The following ESR1 variants were observed in gnomAD, a reference collection of about 807,000 sequenced individuals.
ESR1 encodes the protein estrogen receptor.
ESR1 carries 12 observed loss-of-function variants against 52.7 expected under a neutral mutation model. The observed-to-expected ratio is 0.23, with a 90% CI of 0.15 to 0.37. ESR1 has a LOEUF of 0.37. ESR1 is among the 10% of genes least tolerant of loss of function. The probability of loss-of-function intolerance (pLI) is 1.00; values close to 1 mark genes in which losing one functional copy is unlikely to be tolerated. For missense variants in ESR1, 584 were observed against 779.7 expected, an observed-to-expected ratio of 0.75 and a Z score of 2.99; for synonymous variants, 305 against 316.8, an observed-to-expected ratio of 0.96 and a Z score of 0.39.
In ESR1 at chr6:151,730,430, C is replaced by T. The variant is rs191644973; in HGVS notation, c.-71+28425C>T. Among the ~76,000 whole-genome samples, 69 of 152,258 alleles carry T rather than the reference C, an allele frequency of 4.5e-4. 1 individual carries two copies. The highest frequency in any genetic ancestry group is 4.6e-4 in the Admixed American group (7 of 15,300). On this transcript the variant is annotated intron_variant, in intron 2 of 2. Coordinates refer to the ESR1 transcript ENST00000404742. ...TGGTCTGGCCTCCCATTTTCCAGAG[C>T]TCATCTGTCTCCATGTGTGTCCTGC...
chr6:152,074,439 T>C (rs7765861), intron 6 of ESR1, among the ~76,000 whole-genome samples: 34,751 of 152,118 alleles, frequency 0.23, 5,870 homozygotes, highest in African/African-American at 0.47. Flanking sequence ...CTTTTTATCA[T>C]TGAATACTAC....
At chr6:151,937,234 A>C (rs1341254624) in intron 3 of ESR1, among the ~76,000 whole-genome samples, 2 of 152,190 alleles carry the variant, frequency 1.3e-5, no homozygotes, top group Non-Finnish European at 2.9e-5. Flanking sequence ...CCCTAATCCC[A>C]ATATAAAAAA....
At chr6:151,657,751 T>G (rs1006934115) in intron 1 of ESR1, among the ~76,000 whole-genome samples, 10 of 152,328 alleles carry the variant, frequency 6.6e-5, no homozygotes, top group Middle Eastern at 3.4e-3. Flanking sequence ...TATTTCAATA[T>G]GTATCCAGCT....
chr6:151,995,367 A>G (rs2041389612), intron 4 of ESR1, among the ~76,000 whole-genome samples: 1 of 152,022 alleles, frequency 6.6e-6, no homozygotes, highest in African/African-American at 2.4e-5. Context: ...TCGTCTATTC[A>G]TCCATCCGTC....
rs1583150588 is a variant in ESR1, at chr6:151,757,227, A to C, written c.-70-50616A>C. 3.1e-5 allele frequency among the ~76,000 whole-genome samples: 3 copies of C among 98,300 alleles called. No individual in the cohort carries two copies. The Admixed American group carries it at 3.2e-4, about 11-fold the overall frequency. The allele number at this position is 98,300 out of a possible 152,430, so 64.5% of individuals were successfully genotyped here. A position where few individuals can be genotyped will look rare whatever the true frequency, so the allele number is the denominator to read the frequency against. On this transcript the variant is annotated intron_variant, in intron 2 of 2. Coordinates refer to the ESR1 transcript ENST00000404742. ...CTTTTACTGGTACTGAGGCTATTTTAACGTTCCATTAAAAAAAAAAAGAAA... is the reference window on the plus strand; with the variant it reads ...CTTTTACTGGTACTGAGGCTATTTTCACGTTCCATTAAAAAAAAAAAGAAA...
intron 2 of ESR1, among the ~76,000 whole-genome samples, chr6:151,758,634 G>T (rs1187672499): frequency 4.6e-5 from 7 of 152,002 alleles, no homozygotes; most frequent in Non-Finnish European, 8.8e-5. Flanking sequence ...GGTGGTGGGT[G>T]CCTGTAATCC....
At chr6:151,863,579 T>C (rs2128292227) in intron 2 of ESR1, among the ~76,000 whole-genome samples, 1 of 152,308 alleles carries the variant, frequency 6.6e-6, no homozygotes, top group Middle Eastern at 3.4e-3. Context: ...TACAATCATG[T>C]CATCTGCAAA....
chr6:152,110,794 CT>C (rs986017640), intron 6 of ESR1, among the ~76,000 whole-genome samples: 1 of 152,142 alleles, frequency 6.6e-6, no homozygotes, highest in African/African-American at 2.4e-5. Flanking sequence ...AATATGACAC[CT>C]TGGACAGGAT....
Position 152,079,818 on chromosome 6 carries a change from C to A in ESR1, c.1370-14567C>A, listed in dbSNP as rs186192746. On this transcript the variant is annotated intron_variant, in intron 6 of 7. Coordinates refer to ENST00000206249, the MANE Select transcript of ESR1 (RefSeq NM_000125.4). The stretch of plus-strand genomic sequence containing the variant: ...TTAAATGACCTGATGGAGCTGAAAA[C>A]CACAGCATGAGAACTTCGTGATGTA... 1.7e-3 allele frequency among the ~76,000 whole-genome samples: 260 copies of A among 152,246 alleles called. 3 individuals are homozygous for A. The highest frequency in any genetic ancestry group is 0.013 in the East Asian group (65 of 5,172).
At chr6:151,680,714 G>GCCT (rs1430258468) in intron 1 of ESR1, among the ~76,000 whole-genome samples, 3 of 152,076 alleles carry the variant, frequency 2.0e-5, no homozygotes, top group Non-Finnish European at 4.4e-5. Context: ...GTAATAGTTG[G>GCCT]CCTCCTCCCT....
Position 152,125,634 on chromosome 6 carries a change from TATAAC to T in ESR1, c.*288_*292del, listed in dbSNP as rs545120431. ...ACTCAACACCTGTAGCTAGATGAGT[TATAAC>T]AGAGTGACTGAAGAGAGCTCCCACA... On this transcript the variant is annotated 3_prime_UTR_variant, in exon 7 of 7. Coordinates refer to the ESR1 transcript ENST00000427531. 565 of 302,848 alleles carry T rather than the reference TATAAC, an allele frequency of 1.9e-3. 1 individual carries two copies. Among genetic ancestry groups the T allele is most frequent in the African/African-American group, 0.011 (534 of 47,536 alleles). The allele number at this position is 302,848 out of a possible 1,614,324, so 18.8% of individuals were successfully genotyped here. A position where few individuals can be genotyped will look rare whatever the true frequency, so the allele number is the denominator to read the frequency against.
At chr6:151,978,591 A>G (rs1176516257) in intron 4 of ESR1, among the ~76,000 whole-genome samples, 1 of 152,146 alleles carries the variant, frequency 6.6e-6, no homozygotes, top group African/African-American at 2.4e-5. Context: ...AGAGCATAAG[A>G]GATGAAGAGC....
intron 3 of ESR1, among the ~76,000 whole-genome samples, chr6:151,942,191 A>G (rs777243825): frequency 9.9e-5 from 15 of 152,220 alleles, no homozygotes; most frequent in Non-Finnish European, 1.6e-4. Context: ...GTCAGGTGCC[A>G]TTGTTCTCAT....
chr6:152,126,153 T>C (rs1377518595), exon 7 of ESR1: 1 of 152,186 alleles, frequency 6.6e-6, no homozygotes, highest in East Asian at 1.9e-4. Flanking sequence ...TGGGCTGAGA[T>C]GGGGACAGAG....
intron 1 of ESR1, among the ~76,000 whole-genome samples, chr6:151,693,863 T>C (rs1398874703): frequency 6.6e-6 from 1 of 152,136 alleles, no homozygotes; most frequent in Non-Finnish European, 1.5e-5. Context: ...AGTGATCCAC[T>C]CGCCTTGGCC....
intron 4 of ESR1, among the ~76,000 whole-genome samples, chr6:151,998,995 C>G (rs796978463): frequency 2.5e-4 from 38 of 152,128 alleles, no homozygotes; most frequent in African/African-American, 8.7e-4. Context: ...TCATCTGTTC[C>G]AAACACCCTT....
At chr6:152,074,833 A>G (rs1056071632) in intron 6 of ESR1, among the ~76,000 whole-genome samples, 1 of 152,094 alleles carries the variant, frequency 6.6e-6, no homozygotes, top group Non-Finnish European at 1.5e-5. Context: ...CATTTTTTGG[A>G]TAATATCACA....
chr6:151,944,994 T>C (rs1016755465), intron 4 of ESR1, among the ~76,000 whole-genome samples: 3 of 152,142 alleles, frequency 2.0e-5, no homozygotes, highest in Non-Finnish European at 4.4e-5. Context: ...GGTGGGAGGA[T>C]TGCTTGAGCC....
chr6:152,038,817 G>C (rs958410732), intron 5 of ESR1, among the ~76,000 whole-genome samples: 1 of 152,020 alleles, frequency 6.6e-6, no homozygotes, highest in Non-Finnish European at 1.5e-5. Flanking sequence ...TTTTAGTAAA[G>C]ACGGGGTTTT....
Sources: allele counts gnomAD v4.1 joint callset (sites outside exome capture counted in the v4.1 genomes callset), GRCh38; gene constraint gnomAD v4.1.1; transcripts MANE v1.5; gene names NCBI Gene and HGNC (gene_info 2026-07-23, HGNC 2026-07-21).